CDK13: variants seen among roughly 807,000 people sequenced by gnomAD.
CDK13 encodes the protein cyclin-dependent kinase 13.
Under a neutral mutation model 137.6 loss-of-function variants are expected in CDK13, and 40 were observed. The ratio of observed to expected loss-of-function variants is 0.29; its 90% CI spans 0.23 to 0.38. The LOEUF (loss-of-function observed/expected upper bound fraction) is 0.38, where lower values mean the gene tolerates loss of function less well. CDK13 is among the 10% of genes least tolerant of loss of function. CDK13 has a pLI of 1.00. For synonymous variants in CDK13, 869 were observed against 760.1 expected (o/e 1.14, Z -2.36); for missense variants, 1,704 against 1,951.8 (o/e 0.87, Z 2.39).
At chr7:40,038,067 A>G (rs1785523508) in intron 5 of CDK13, among the ~76,000 whole-genome samples, 2 of 152,144 alleles carry the variant, frequency 1.3e-5, no homozygotes, top group South Asian at 4.1e-4. Context: ...ACTCTAAACT[A>G]TAAAACAGGT....
At chr7:40,049,708 T>C (rs1471321420) in intron 7 of CDK13, among the ~76,000 whole-genome samples, 1 of 152,160 alleles carries the variant, frequency 6.6e-6, no homozygotes, top group Admixed American at 6.6e-5. Context: ...ACTGAACTTT[T>C]ATATCCTTAG....
chr7:40,050,878 T>C (rs1024538609), intron 7 of CDK13, among the ~76,000 whole-genome samples: 1 of 152,236 alleles, frequency 6.6e-6, no homozygotes. Context: ...ATTACCATTT[T>C]AATCTAATAG....
intron 5 of CDK13, among the ~76,000 whole-genome samples, chr7:40,014,056 G>GTTTTTT (rs1431672361): frequency 9.5e-6 from 1 of 105,448 alleles, no homozygotes; most frequent in African/African-American, 3.8e-5. Flanking sequence ...ATGCTGTCTT[G>GTTTTTT]TCTTTTTTTT....
chr7:40,032,751 TG>T (rs771284167), intron 5 of CDK13, among the ~76,000 whole-genome samples: 128 of 152,010 alleles, frequency 8.4e-4, no homozygotes, highest in Non-Finnish European at 1.5e-3. Flanking sequence ...AGTCTAGTTA[TG>T]TTTTTTTTTT....
intron 11 of CDK13, among the ~76,000 whole-genome samples, chr7:40,081,354 ATTTT>A (rs565876390): frequency 6.6e-6 from 1 of 152,302 alleles, no homozygotes; most frequent in East Asian, 1.9e-4. Context: ...AAATGCTGAC[ATTTT>A]TAAGTAGAGC....
intron 5 of CDK13, among the ~76,000 whole-genome samples, chr7:40,027,249 G>A (rs1295078559): frequency 6.6e-6 from 1 of 152,200 alleles, no homozygotes; most frequent in East Asian, 1.9e-4. Flanking sequence ...GGAGGCTGAG[G>A]CAGGAGAGTC....
In CDK13 at chr7:39,951,957, C is replaced by T. The variant is rs1787235374; in HGVS notation, c.1211+105C>T. 2.5e-6 allele frequency: 3 copies of T among 1,199,666 alleles called. No individual in the cohort carries two copies. In the Admixed American group the frequency reaches 1.1e-4, roughly 42 times the overall value. The allele number at this position is 1,199,666 out of a possible 1,614,324, so 74.3% of individuals were successfully genotyped here. On this transcript the variant is annotated intron_variant, in intron 1 of 13. Transcript: ENST00000181839. ...TCCTCAGAACGACTCAGGTCCACCA[C>T]CGAGACGAGACAACACCGCCTGAGC...
chr7:40,011,277 C>T (rs1027411099), intron 5 of CDK13, among the ~76,000 whole-genome samples: 2 of 152,136 alleles, frequency 1.3e-5, no homozygotes, highest in Non-Finnish European at 2.9e-5. Context: ...TAATCCCAAC[C>T]CCTTGGAGGC....
In CDK13 at chr7:40,021,103, GTATATATATATA is replaced by G. The variant is rs146480658; in HGVS notation, c.2353+19081_2353+19092del. On this transcript the variant is annotated intron_variant, in intron 5 of 13. Transcript: ENST00000181839. ...AGATTCCATCTCAGAGCAAACAAAC[GTATATATATATA>G]TATATATACACACACACACACACAC... Among the ~76,000 whole-genome samples, 53 of 42,568 alleles carry G rather than the reference GTATATATATATA, an allele frequency of 1.2e-3. 2 individuals are homozygous for G. The highest frequency in any genetic ancestry group is 8.3e-3 in the East Asian group (5 of 600). 27.9% of individuals were successfully genotyped at this position (42,568 alleles called of 152,430 possible). A position where few individuals can be genotyped will look rare whatever the true frequency, so the allele number is the denominator to read the frequency against.
At position 39,951,678 on chromosome 7, in the gene CDK13, G is replaced by T. The variant is rs199896416; in HGVS notation, c.1037G>T (p.Gly346Val). ...RSRKSPSPAG[G>V]GSSPYSRRLP... Reference sequence around the variant, plus strand: ...CGCAAGTCCCCCAGCCCGGCAGGAGGTGGCAGCAGCCCCTATTCTCGGCGG... The same window carrying T: ...CGCAAGTCCCCCAGCCCGGCAGGAGTTGGCAGCAGCCCCTATTCTCGGCGG... The change falls in exon 1 of 14, where the codon GGT becomes GTT. Residue 346 changes from glycine to valine, a missense_variant. Physicochemically the swap from Gly to Val is moderately radical, Grantham distance 109. Around this residue, in one of 5 missense-constraint regions of CDK13, gnomAD observed 1,051 missense variants for 931.0 expected, o/e 1.13. Transcript: ENST00000181839. 7.2e-5 allele frequency: 105 copies of T among 1,468,436 alleles called. No individual in the cohort carries two copies. Among genetic ancestry groups the T allele is most frequent in the Non-Finnish European group, 5.4e-6 (6 of 1,115,916 alleles). The allele number at this position is 1,468,436 out of a possible 1,614,324, so 91.0% of individuals were successfully genotyped here. A position where few individuals can be genotyped will look rare whatever the true frequency, so the allele number is the denominator to read the frequency against.
intron 7 of CDK13, among the ~76,000 whole-genome samples, chr7:40,053,539 A>G (rs915433034): frequency 2.6e-5 from 4 of 152,102 alleles, no homozygotes; most frequent in Non-Finnish European, 5.9e-5. Context: ...TTGTGAATCT[A>G]CATAAGCTGT....
intron 1 of CDK13, among the ~76,000 whole-genome samples, chr7:39,971,034 A>T (rs1783986155): frequency 6.6e-6 from 1 of 151,844 alleles, no homozygotes; most frequent in Non-Finnish European, 1.5e-5. Flanking sequence ...CTAAACTGAA[A>T]TTTTTTCCTT....
In CDK13 at chr7:39,984,408, CAAA is replaced by C. The variant is rs1359399147; in HGVS notation, c.1212-3177_1212-3175del. ...CCTGGGTGACAGTGAGACCCTGTTT[CAAA>C]AAAAAAAAAAAAATTATCTGCCTAT... is the stretch of plus-strand genomic sequence containing the variant. On this transcript the variant is annotated intron_variant, in intron 1 of 13. Coordinates refer to ENST00000181839, the MANE Select transcript of CDK13 (RefSeq NM_003718.5). 7.3e-5 allele frequency: 7 copies of C among 96,344 alleles called. No individual in the cohort carries two copies. In the East Asian group the frequency reaches 1.2e-3, roughly 17 times the overall value. The allele number at this position is 96,344 out of a possible 1,614,324, so 6.0% of individuals were successfully genotyped here.
At chr7:40,013,416 G>A (rs1158685449) in intron 5 of CDK13, among the ~76,000 whole-genome samples, 2 of 151,980 alleles carry the variant, frequency 1.3e-5, no homozygotes, top group South Asian at 2.1e-4. Flanking sequence ...TGTGTATTTC[G>A]CCACAATTTA....
intron 11 of CDK13, among the ~76,000 whole-genome samples, chr7:40,085,976 C>T (rs1786778190): frequency 6.6e-6 from 1 of 152,152 alleles, no homozygotes; most frequent in Admixed American, 6.5e-5. Context: ...TATCCCCTTG[C>T]CTTCCTCCAC....
At chr7:40,009,021 G>T (rs916318497) in intron 5 of CDK13, among the ~76,000 whole-genome samples, 1 of 152,140 alleles carries the variant, frequency 6.6e-6, no homozygotes, top group African/African-American at 2.4e-5. Context: ...GGAGAAAGAA[G>T]AATGTTAATG....
At chr7:40,023,271 C>G (rs1785167627) in intron 5 of CDK13, among the ~76,000 whole-genome samples, 1 of 151,776 alleles carries the variant, frequency 6.6e-6, no homozygotes, top group Non-Finnish European at 1.5e-5. Context: ...TTTTGTGTTT[C>G]TGGTAGAGGA....
At chr7:40,002,103 A>G (rs1000647403) in intron 5 of CDK13, 72 bp downstream of exon 5, 19 of 1,028,504 alleles carry the variant, frequency 1.8e-5, no homozygotes, top group Non-Finnish European at 2.4e-5. Flanking sequence ...AATTTTTTTT[A>G]TAGATGTGAC....
At chr7:40,055,085 T>C (rs1454834124) in intron 7 of CDK13, among the ~76,000 whole-genome samples, 2 of 152,144 alleles carry the variant, frequency 1.3e-5, no homozygotes, top group South Asian at 2.1e-4. Context: ...TTACAAAGTT[T>C]AGTTTCTTGC....
Sources: gnomAD v4.1 joint callset for allele counts (sites outside exome capture counted in the v4.1 genomes callset) on GRCh38, gnomAD v4.1.1 for gene constraint, gnomAD v4.1.1 regional missense constraint, MANE v1.5 for transcripts, NCBI Gene and HGNC (gene_info 2026-07-23, HGNC 2026-07-21) for gene names.